MAPKAP1: variants seen among roughly 807,000 people sequenced by gnomAD.
MAPKAP1 encodes target of rapamycin complex 2 subunit MAPKAP1.
In MAPKAP1, 20 loss-of-function variants were observed where a neutral mutation model predicts 65.7. That is an observed-to-expected ratio of 0.30 (90% confidence interval 0.21 to 0.44). MAPKAP1 has a LOEUF of 0.44. Ranked by LOEUF, MAPKAP1 falls within the 20% of genes least tolerant of loss-of-function variation. The probability of loss-of-function intolerance (pLI) is 1.00; values close to 1 mark genes in which losing one functional copy is unlikely to be tolerated. For synonymous variants in MAPKAP1, 222 were observed against 244.3 expected (o/e 0.91, Z 0.85); for missense variants, 423 against 648.0 (o/e 0.65, Z 3.77).
intron 1 of MAPKAP1, among the ~76,000 whole-genome samples, chr9:125,693,844 C>CACATATAT (rs1554844755): frequency 7.5e-6 from 1 of 133,292 alleles, no homozygotes; most frequent in African/African-American, 3.3e-5. Context: ...TATATACACA[C>CACATATAT]ATACACACAC....
chr9:125,668,394 T>G lies in MAPKAP1; in HGVS notation c.349+1424A>C, dbSNP rs10986835. ...GTAAAGTACCTAGTAGAGCACGAGG[T>G]AGAGGCTGCTATTAGTATAATAAAC... On this transcript the variant is annotated intron_variant, in intron 3 of 11. Transcript: ENST00000265960. Among the ~76,000 whole-genome samples, 989 of 152,322 alleles carry G rather than the reference T, an allele frequency of 6.5e-3. 11 individuals are homozygous for G. Among genetic ancestry groups the G allele is most frequent in the African/African-American group, 0.023 (946 of 41,572 alleles).
At chr9:125,690,562 T>C (rs1250405979) in intron 1 of MAPKAP1, among the ~76,000 whole-genome samples, 1 of 152,230 alleles carries the variant, frequency 6.6e-6, no homozygotes, top group African/African-American at 2.4e-5. Flanking sequence ...CCTCATAGGA[T>C]TGTTGTGAGG....
chr9:125,491,776 AAAAAAAACC>A (rs1213022973), intron 8 of MAPKAP1, among the ~76,000 whole-genome samples: 1 of 150,812 alleles, frequency 6.6e-6, no homozygotes, highest in Non-Finnish European at 1.5e-5. Context: ...ACCCTATCTC[AAAAAAAACC>A]AAAAAAACAA....
At chr9:125,685,980 AGTAATGTTT>A (rs1834961952) in intron 1 of MAPKAP1, among the ~76,000 whole-genome samples, 2 of 152,200 alleles carry the variant, frequency 1.3e-5, no homozygotes, top group Non-Finnish European at 2.9e-5. Context: ...AATTCAACAG[AGTAATGTTT>A]CCACTTACCT....
At chr9:125,655,556 T>C (rs1014899258) in intron 4 of MAPKAP1, among the ~76,000 whole-genome samples, 3 of 152,228 alleles carry the variant, frequency 2.0e-5, no homozygotes, top group Admixed American at 6.5e-5. Context: ...TGAGATGTCA[T>C]TGTATATCAT....
At chr9:125,602,844 C>A (rs1012652698) in intron 4 of MAPKAP1, among the ~76,000 whole-genome samples, 1 of 152,160 alleles carries the variant, frequency 6.6e-6, no homozygotes. Context: ...GGCAACAGGG[C>A]AAGACCCTGT....
intron 1 of MAPKAP1, among the ~76,000 whole-genome samples, chr9:125,677,662 C>G (rs775182498): frequency 6.6e-6 from 1 of 151,936 alleles, no homozygotes; most frequent in Non-Finnish European, 1.5e-5. Flanking sequence ...CCACTGCACT[C>G]CAGCTTGGGC....
chr9:125,704,016 T>C (rs1261250795), intron 1 of MAPKAP1, among the ~76,000 whole-genome samples: 2 of 152,200 alleles, frequency 1.3e-5, no homozygotes, highest in African/African-American at 2.4e-5. Flanking sequence ...GATAAGGCTA[T>C]GAGCTCCTTT....
intron 5 of MAPKAP1, among the ~76,000 whole-genome samples, chr9:125,560,082 A>G (rs1830848285): frequency 6.6e-6 from 1 of 152,202 alleles, no homozygotes; most frequent in Non-Finnish European, 1.5e-5. Flanking sequence ...CAAAGAACCT[A>G]ACCTCTTAGA....
chr9:125,525,987 C>T (rs1393066473), intron 7 of MAPKAP1, among the ~76,000 whole-genome samples: 6 of 152,186 alleles, frequency 3.9e-5, no homozygotes. Context: ...CTGACGTAGG[C>T]GTTCAGGAGA....
chr9:125,653,600 T>G (rs1337185714), intron 4 of MAPKAP1, among the ~76,000 whole-genome samples: 1 of 152,164 alleles, frequency 6.6e-6, no homozygotes, highest in Non-Finnish European at 1.5e-5. Flanking sequence ...GCTTATGATA[T>G]TCAATATTCC....
chr9:125,593,342 T>C (rs1233504724), intron 4 of MAPKAP1, among the ~76,000 whole-genome samples: 1 of 151,836 alleles, frequency 6.6e-6, no homozygotes, highest in African/African-American at 2.4e-5. Context: ...TACCTTACTA[T>C]GGCAGGTTAA....
intron 4 of MAPKAP1, among the ~76,000 whole-genome samples, chr9:125,625,335 A>T (rs1833085977): frequency 1.3e-5 from 2 of 150,984 alleles, no homozygotes; most frequent in South Asian, 4.2e-4. Flanking sequence ...AAATACTGTC[A>T]TTTCTAATTC....
chr9:125,630,854 A>C (rs1369145324), intron 4 of MAPKAP1, among the ~76,000 whole-genome samples: 1 of 152,090 alleles, frequency 6.6e-6, no homozygotes, highest in Non-Finnish European at 1.5e-5. Context: ...TATTAAAAAG[A>C]GGTTGGGTTG....
chr9:125,546,246 G>A (rs1589275922), intron 6 of MAPKAP1, among the ~76,000 whole-genome samples: 1 of 152,192 alleles, frequency 6.6e-6, no homozygotes, highest in South Asian at 2.1e-4. Context: ...AAACGTGCAC[G>A]TTAAAAGGAG....
intron 5 of MAPKAP1, among the ~76,000 whole-genome samples, chr9:125,582,905 T>C (rs554023708): frequency 3.9e-5 from 6 of 152,302 alleles, no homozygotes; most frequent in African/African-American, 1.4e-4. Context: ...CCAGGAATGA[T>C]TGGCTGAGGG....
chr9:125,541,317 T>C (rs1393396301), intron 7 of MAPKAP1, among the ~76,000 whole-genome samples: 1 of 152,214 alleles, frequency 6.6e-6, no homozygotes, highest in Admixed American at 6.5e-5. Flanking sequence ...CTTGCTCAGC[T>C]GTATCTAAGT....
chr9:125,678,805 A>G (rs1036850617), intron 1 of MAPKAP1, among the ~76,000 whole-genome samples: 1 of 152,190 alleles, frequency 6.6e-6, no homozygotes, highest in African/African-American at 2.4e-5. Context: ...ATAATTTTAC[A>G]TACACTCATT....
At chr9:125,675,661 CTTAAAGACT>C (rs1043469180) in intron 1 of MAPKAP1, among the ~76,000 whole-genome samples, 11 of 152,312 alleles carry the variant, frequency 7.2e-5, no homozygotes, top group Admixed American at 5.2e-4. Context: ...ATTACATGTA[CTTAAAGACT>C]TAGACTATAA....
Sources: gnomAD v4.1 joint callset for allele counts (sites outside exome capture counted in the v4.1 genomes callset) on GRCh38, gnomAD v4.1.1 for gene constraint, MANE v1.5 for transcripts, NCBI Gene and HGNC (gene_info 2026-07-23, HGNC 2026-07-21) for gene names.